RYR2: variants seen among roughly 807,000 people sequenced by gnomAD.
RYR2 encodes the protein cardiac muscle ryanodine receptor-calcium release channel.
A neutral mutation model predicts 601.1 loss-of-function variants in RYR2; 227 were observed. That is an observed-to-expected ratio of 0.38 (90% CI 0.34 to 0.42). The LOEUF is 0.42. RYR2 is among the 10% of genes least tolerant of loss of function. The pLI is 1.00. For missense variants in RYR2, 4,646 were observed against 6,156.5 expected (o/e 0.75, Z 8.21); for synonymous variants, 2,223 against 2,175.1 (o/e 1.02, Z -0.61).
At chr1:237,296,193 G>T (rs1056552302) in intron 2 of RYR2, among the ~76,000 whole-genome samples, 1 of 152,146 alleles carries the variant, frequency 6.6e-6, no homozygotes, top group Admixed American at 6.6e-5. Context: ...AGTCCAGCAG[G>T]TGAAGGGGGT....
At chr1:237,373,519 C>T (rs868199164) in intron 6 of RYR2, among the ~76,000 whole-genome samples, 8 of 152,290 alleles carry the variant, frequency 5.3e-5, no homozygotes, top group Admixed American at 2.0e-4. Flanking sequence ...GCACTTGCTT[C>T]GTGATGGTAG....
chr1:237,768,130 T>C (rs1353750156), intron 84 of RYR2, among the ~76,000 whole-genome samples: 2 of 152,206 alleles, frequency 1.3e-5, no homozygotes, highest in Non-Finnish European at 2.9e-5. Context: ...ACTCGTAGCT[T>C]GGTTAAATAA....
At chr1:237,071,968 T>A (rs1489764257) in intron 1 of RYR2, among the ~76,000 whole-genome samples, 1 of 152,200 alleles carries the variant, frequency 6.6e-6, no homozygotes, top group African/African-American at 2.4e-5. Context: ...CGGCTTCTAC[T>A]TTACTCTGAA....
At chr1:237,516,965 C>A (rs1319405500) in intron 24 of RYR2, among the ~76,000 whole-genome samples, 1 of 152,178 alleles carries the variant, frequency 6.6e-6, no homozygotes, top group African/African-American at 2.4e-5. Context: ...TGAGTTCATA[C>A]ACACACGTGC....
intron 38 of RYR2, among the ~76,000 whole-genome samples, chr1:237,622,410 T>C (rs1679170726): frequency 6.6e-6 from 1 of 152,174 alleles, no homozygotes; most frequent in Non-Finnish European, 1.5e-5. Context: ...CGTAAATACT[T>C]AGTACAAAGT....
At chr1:237,408,966 G>A (rs569315891) in intron 10 of RYR2, among the ~76,000 whole-genome samples, 9 of 152,020 alleles carry the variant, frequency 5.9e-5, no homozygotes, top group Non-Finnish European at 1.2e-4. Context: ...CTTTAAATAC[G>A]TGTTGTTCAT....
chr1:237,344,362 A>G (rs960166231), intron 3 of RYR2, among the ~76,000 whole-genome samples: 2 of 152,184 alleles, frequency 1.3e-5, no homozygotes, highest in African/African-American at 4.8e-5. Flanking sequence ...TTACAAAGGA[A>G]TCTAAAACTG....
chr1:237,190,597 C>T (rs959495543), intron 1 of RYR2, among the ~76,000 whole-genome samples: 14 of 151,884 alleles, frequency 9.2e-5, no homozygotes, highest in African/African-American at 2.2e-4. Flanking sequence ...ATACAAATAA[C>T]GACACAACAA....
chr1:237,649,702 T>C (rs1322065450), intron 49 of RYR2, among the ~76,000 whole-genome samples, 175 bp from the exon 50 acceptor site: 1 of 152,240 alleles, frequency 6.6e-6, no homozygotes, highest in Admixed American at 6.5e-5. Flanking sequence ...TGATTGTTTT[T>C]AGTGGTAAAA....
Position 237,756,400 on chromosome 1 carries a change from G to C in RYR2, c.11245+13G>C, listed in dbSNP as rs748277053. ...AGTGCCAGCAAAGGTAAGGTTCCTT[G>C]AGTTCCCCTCACGAGTGTCTGTTCT... is the stretch of plus-strand genomic sequence containing the variant. On this transcript the variant is annotated intron_variant, in intron 81 of 104. Coordinates refer to ENST00000366574, the MANE Select transcript of RYR2 (RefSeq NM_001035.3). 6.4e-7 allele frequency: 1 copy of C among 1,570,158 alleles called. No individual in the cohort carries two copies. Among genetic ancestry groups the C allele is most frequent in the Admixed American group, 1.7e-5 (1 of 58,996 alleles).
chr1:237,596,236 A>G (rs966788887), intron 34 of RYR2, among the ~76,000 whole-genome samples: 5 of 152,248 alleles, frequency 3.3e-5, no homozygotes, highest in African/African-American at 1.2e-4. Flanking sequence ...CTGAAAAGAA[A>G]TTCAAAATAA....
rs2148430827 is a variant in RYR2, at chr1:237,589,875, C to T, written c.3681C>T (p.Phe1227=). Residue 1227 remains phenylalanine (F), a synonymous_variant, in exon 30 of 105, where the codon TTC becomes TTT. Transcript: ENST00000366574. ...AGGATGTCAGCACCTTGAAATATTTCACCATCTGTGGCTTACAAGAGGGCT... is the reference window on the plus strand; with the variant it reads ...AGGATGTCAGCACCTTGAAATATTTTACCATCTGTGGCTTACAAGAGGGCT... The part of the protein sequence containing the change: ...FGKDVSTLKY[F]TICGLQEGYE... The T allele has an allele frequency of 1.2e-6, 2 of 1,613,782 alleles. No homozygotes were observed. Among genetic ancestry groups the T allele is most frequent in the East Asian group, 2.2e-5 (1 of 44,828 alleles).
At chr1:237,347,417 G>A (rs367782813) in intron 3 of RYR2, among the ~76,000 whole-genome samples, 19 of 152,172 alleles carry the variant, frequency 1.2e-4, no homozygotes, top group African/African-American at 2.7e-4. Context: ...TTCTACTTTC[G>A]GGATGAATTC....
Position 237,708,965 on chromosome 1 carries a change from G to A in RYR2, c.10009G>A (p.Glu3337Lys), listed in dbSNP as rs761107071. 1.2e-6 allele frequency: 2 copies of A among 1,613,602 alleles called. No homozygotes were observed. Among genetic ancestry groups the A allele is most frequent in the South Asian group, 2.2e-5 (2 of 91,056 alleles). ...KKKAATVVSE[E>K]DHLKAEARGD... ...AAAGGCAGCTACGGTGGTGTCTGAG[G>A]AAGACCACCTGAAAGCTGAGGCCAG... Residue 3337 changes from glutamate (E) to lysine (K), a missense_variant, in exon 69 of 105, where the codon GAA (glutamate) becomes AAA (lysine). Around this residue, in one of 17 missense-constraint regions of RYR2, gnomAD observed 1,497 missense variants for 1,842.6 expected, o/e 0.81. Coordinates refer to ENST00000366574, the MANE Select transcript of RYR2 (RefSeq NM_001035.3).
At chr1:237,605,990 G>T (rs1677079936) in intron 35 of RYR2, among the ~76,000 whole-genome samples, 1 of 148,954 alleles carries the variant, frequency 6.7e-6, no homozygotes, top group Non-Finnish European at 1.5e-5. Flanking sequence ...TGGCCATACT[G>T]CCCAAGGTAA....
intron 80 of RYR2, among the ~76,000 whole-genome samples, chr1:237,751,748 G>A (rs1270682628): frequency 6.6e-6 from 1 of 152,210 alleles, no homozygotes; most frequent in Non-Finnish European, 1.5e-5. Flanking sequence ...GTGTTAAAGA[G>A]ACAGCATTAG....
At chr1:237,521,156 CTG>C (rs1667043221) in intron 24 of RYR2, among the ~76,000 whole-genome samples, 1 of 113,852 alleles carries the variant, frequency 8.8e-6, no homozygotes, top group Non-Finnish European at 2.0e-5. Context: ...CCTCCTGAAA[CTG>C]TTTCAAAAAG....
At chr1:237,174,812 A>G (rs1677834481) in intron 1 of RYR2, among the ~76,000 whole-genome samples, 1 of 152,216 alleles carries the variant, frequency 6.6e-6, no homozygotes, top group Admixed American at 6.5e-5. Flanking sequence ...ATCAGGAATC[A>G]ATAGTATTTG....
intron 29 of RYR2, among the ~76,000 whole-genome samples, chr1:237,583,449 C>T (rs7554280): frequency 0.49 from 74,736 of 151,928 alleles, 18,883 homozygotes; most frequent in South Asian, 0.66. Flanking sequence ...AGACAAATGA[C>T]TTAACATCTT....
Sources: gnomAD v4.1 joint callset for allele counts (sites outside exome capture counted in the v4.1 genomes callset) on GRCh38, gnomAD v4.1.1 for gene constraint, gnomAD v4.1.1 regional missense constraint, MANE v1.5 for transcripts, NCBI Gene and HGNC (gene_info 2026-07-23, HGNC 2026-07-21) for gene names.